FOXP1: variants seen among roughly 807,000 people sequenced by gnomAD.
FOXP1 encodes forkhead box protein P1.
A neutral mutation model predicts 98.2 loss-of-function variants in FOXP1; 15 were observed. The observed-to-expected ratio is 0.15, with a 90% CI of 0.10 to 0.24. FOXP1 has a LOEUF of 0.24. Ranked by LOEUF, FOXP1 falls within the 10% of genes least tolerant of loss-of-function variation. The pLI is 1.00. For missense variants in FOXP1, 633 were observed against 848.5 expected (o/e 0.75, Z 3.15); for synonymous variants, 371 against 314.5 (o/e 1.18, Z -1.90).
At chr3:71,253,630 TA>T (rs1396357938) in intron 5 of FOXP1, among the ~76,000 whole-genome samples, 1 of 152,182 alleles carries the variant, frequency 6.6e-6, no homozygotes, top group Non-Finnish European at 1.5e-5. Flanking sequence ...CTTCCACAAA[TA>T]ACTCGAAGAT....
chr3:71,145,900 C>A (rs979214418), intron 6 of FOXP1, among the ~76,000 whole-genome samples: 2 of 152,166 alleles, frequency 1.3e-5, no homozygotes, highest in Non-Finnish European at 1.5e-5. Flanking sequence ...GAGTCCCTTG[C>A]TGGAGAAATG....
At chr3:71,092,911 TAA>T (rs1276509788) in intron 7 of FOXP1, among the ~76,000 whole-genome samples, 2 of 152,130 alleles carry the variant, frequency 1.3e-5, no homozygotes, top group East Asian at 3.9e-4. Flanking sequence ...GACACCACAT[TAA>T]AAGAGATTAG....
intron 2 of FOXP1, among the ~76,000 whole-genome samples, chr3:71,533,849 T>C (rs1410742616): frequency 6.6e-6 from 1 of 152,170 alleles, no homozygotes; most frequent in Non-Finnish European, 1.5e-5. Flanking sequence ...GAACTCAACA[T>C]TTCTTTGGAA....
chr3:70,977,554 T>G (rs1452761002), intron 16 of FOXP1, 89 bp downstream of exon 16: 1 of 1,131,452 alleles, frequency 8.8e-7, no homozygotes, highest in Non-Finnish European at 1.3e-6. Context: ...GCTTGCATAC[T>G]AAACGGTTTT....
At chr3:71,368,850 G>A (rs2079095801) in intron 3 of FOXP1, among the ~76,000 whole-genome samples, 2 of 152,122 alleles carry the variant, frequency 1.3e-5, no homozygotes, top group African/African-American at 4.8e-5. Context: ...CCCATAACAA[G>A]AATAAGATGA....
intron 2 of FOXP1, among the ~76,000 whole-genome samples, chr3:71,500,764 C>G (rs937056490): frequency 6.6e-6 from 1 of 152,228 alleles, no homozygotes; most frequent in African/African-American, 2.4e-5. Flanking sequence ...GCCCACCTCA[C>G]CTGTCACCTA....
chr3:71,405,388 T>C (rs2082244981), intron 3 of FOXP1, among the ~76,000 whole-genome samples: 1 of 152,200 alleles, frequency 6.6e-6, no homozygotes, highest in African/African-American at 2.4e-5. Context: ...GTAGCTGCCA[T>C]TTATTGAGCA....
rs757405755 is a variant in FOXP1 at position 71,237,231 on chromosome 3, GAAAAAAAAAAAAAA to G, written c.-11-38853_-11-38840del. Among the ~76,000 whole-genome samples the G allele has an allele frequency of 5.7e-4, 16 of 28,286 alleles. 1 individual carries two copies. Among genetic ancestry groups the G allele is most frequent in the Admixed American group, 2.8e-3 (4 of 1,442 alleles). 18.6% of individuals were successfully genotyped at this position (28,286 alleles called of 152,430 possible). ...TGGGCGACAGAGCAAGACTCCATCT[GAAAAAAAAAAAAAA>G]AAAAAAAAAAAAAAAAAAAAATTGG... On this transcript the variant is annotated intron_variant, in intron 5 of 20. Transcript: ENST00000649528.
At chr3:71,458,486 AT>A (rs969128572) in intron 3 of FOXP1, among the ~76,000 whole-genome samples, 2 of 152,140 alleles carry the variant, frequency 1.3e-5, no homozygotes, top group African/African-American at 4.8e-5. Context: ...CGAAATATAC[AT>A]TTTTTTAATT....
intron 13 of FOXP1, among the ~76,000 whole-genome samples, chr3:70,995,664 A>G (rs1034235659): frequency 3.9e-5 from 6 of 152,172 alleles, no homozygotes; most frequent in African/African-American, 1.4e-4. Context: ...GTCCACTGGT[A>G]AAATGTTTAA....
chr3:71,509,504 T>C (rs1307273020), intron 2 of FOXP1, among the ~76,000 whole-genome samples: 1 of 152,140 alleles, frequency 6.6e-6, no homozygotes, highest in Non-Finnish European at 1.5e-5. Context: ...CCAAATACAG[T>C]CACATTCCGA....
intron 11 of FOXP1, among the ~76,000 whole-genome samples, chr3:71,038,413 TGGAA>T (rs2047893262): frequency 1.3e-5 from 2 of 152,118 alleles, no homozygotes; most frequent in South Asian, 4.1e-4. Flanking sequence ...AAGAAGAGCT[TGGAA>T]GGACACGTAT....
intron 4 of FOXP1, among the ~76,000 whole-genome samples, chr3:71,308,973 C>T (rs2074499689): frequency 6.6e-6 from 1 of 152,120 alleles, no homozygotes; most frequent in African/African-American, 2.4e-5. Flanking sequence ...GGTGGTGTAA[C>T]AGCAATTCTA....
intron 4 of FOXP1, among the ~76,000 whole-genome samples, chr3:71,327,318 G>GCAGCCTTCTTGGCTGCAAC (rs368201258): frequency 3.4e-5 from 5 of 145,532 alleles, no homozygotes; most frequent in African/African-American, 1.3e-4. Flanking sequence ...ACTCAATGAA[G>GCAGCCTTCTTGGCTGCAAC]AGATTATTGT....
chr3:71,277,711 T>G (rs562337917), intron 5 of FOXP1, among the ~76,000 whole-genome samples: 1 of 152,220 alleles, frequency 6.6e-6, no homozygotes, highest in East Asian at 1.9e-4. Context: ...CTTTCCCTAA[T>G]CCTTACATGT....
chr3:71,199,368 G>A (rs1321913720), intron 5 of FOXP1, among the ~76,000 whole-genome samples: 1 of 152,034 alleles, frequency 6.6e-6, no homozygotes, highest in Admixed American at 6.5e-5. Context: ...GCCTCCCGAA[G>A]TGCTGGGATT....
Position 71,480,875 on chromosome 3 carries a change from T to C in FOXP1, c.-168+12551A>G, listed in dbSNP as rs141372661. Among the ~76,000 whole-genome samples, 569 of 152,288 alleles carry C rather than the reference T, an allele frequency of 3.7e-3. 3 individuals carry two copies. Among genetic ancestry groups the C allele is most frequent in the African/African-American group, 0.013 (526 of 41,552 alleles). ...CACATATATCGGTCTTTCCCAAGGATAGAAATTCACCATCTCTCAGGTTGT... is the reference window on the plus strand; with the variant it reads ...CACATATATCGGTCTTTCCCAAGGACAGAAATTCACCATCTCTCAGGTTGT... On this transcript the variant is annotated intron_variant, in intron 3 of 20. Coordinates refer to ENST00000649528, the MANE Select transcript of FOXP1 (RefSeq NM_001349338.3).
chr3:71,567,053 G>A (rs968515864), intron 2 of FOXP1, among the ~76,000 whole-genome samples: 7 of 152,206 alleles, frequency 4.6e-5, no homozygotes, highest in Non-Finnish European at 5.9e-5. Flanking sequence ...GATGAGGATA[G>A]GAAAAAAGAG....
chr3:71,583,849 G>A (rs555644966), upstream of FOXP1: 9 of 985,896 alleles, frequency 9.1e-6, no homozygotes, highest in African/African-American at 3.5e-5. Context: ...GCACCGGCCC[G>A]GGGGCGCACC....
Sources: gnomAD v4.1 joint callset for allele counts (sites outside exome capture counted in the v4.1 genomes callset) on GRCh38, gnomAD v4.1.1 for gene constraint, MANE v1.5 for transcripts, NCBI Gene and HGNC (gene_info 2026-07-23, HGNC 2026-07-21) for gene names.